PRDM16: variants seen among roughly 807,000 people sequenced by gnomAD.
PRDM16 encodes histone-lysine N-methyltransferase PRDM16.
Under a neutral mutation model 110.6 loss-of-function variants are expected in PRDM16, and 23 were observed. The observed-to-expected ratio is 0.21, with a 90% CI of 0.15 to 0.29. The LOEUF is 0.29. PRDM16 is among the 10% of genes least tolerant of loss of function. PRDM16 has a pLI of 1.00. For synonymous variants in PRDM16, 799 were observed against 781.8 expected (o/e 1.02, Z -0.37); for missense variants, 1,615 against 1,794.3 (o/e 0.90, Z 1.81).
intron 1 of PRDM16, among the ~76,000 whole-genome samples, chr1:3,121,701 G>A (rs1231793139): frequency 2.6e-5 from 4 of 152,244 alleles, no homozygotes; most frequent in African/African-American, 9.6e-5. Flanking sequence ...CCGGGGCAGG[G>A]CCAAGTGCCG....
chr1:3,375,537 C>A (rs1023668256), intron 3 of PRDM16, among the ~76,000 whole-genome samples: 2 of 152,258 alleles, frequency 1.3e-5, no homozygotes, highest in Non-Finnish European at 2.9e-5. Context: ...GCCCCCAACA[C>A]CCCCAGGCTG....
chr1:3,203,844 G>T (rs10909899), intron 2 of PRDM16, among the ~76,000 whole-genome samples: 14,976 of 152,198 alleles, frequency 0.098, 902 homozygotes, highest in Admixed American at 0.13. Context: ...GTGAATTCGG[G>T]GGGGGCACAA....
rs531849013 is a variant in PRDM16, at chr1:3,096,142, C to T, written c.37+26846C>T. Among the ~76,000 whole-genome samples the T allele has an allele frequency of 3.3e-5, 5 of 152,232 alleles. No individual in the cohort carries two copies. In the South Asian group the frequency reaches 8.3e-4, roughly 25 times the overall value. On this transcript the variant is annotated intron_variant, in intron 1 of 16. Transcript: ENST00000270722. ...ACCCCATGCTTAGAATGTTCTGGAC[C>T]CCAGGAAGGCCCCGGTGCTTTGAAC... is the stretch of plus-strand genomic sequence containing the variant.
chr1:3,093,853 G>A (rs1246472273), intron 1 of PRDM16, among the ~76,000 whole-genome samples: 1 of 152,242 alleles, frequency 6.6e-6, no homozygotes. Flanking sequence ...ACGTGCGGGG[G>A]TCTGTGGGGC....
Position 3,209,935 on chromosome 1 carries a change from T to C in PRDM16, c.387+23461T>C, listed in dbSNP as rs1638842392. Among the ~76,000 whole-genome samples the C allele has an allele frequency of 6.6e-6, 1 of 152,220 alleles. No individual in the cohort carries two copies. Among genetic ancestry groups the C allele is most frequent in the African/African-American group, 2.4e-5 (1 of 41,456 alleles). On this transcript the variant is annotated intron_variant, in intron 2 of 16. Coordinates refer to ENST00000270722, the MANE Select transcript of PRDM16 (RefSeq NM_022114.4). This position sits in a 1 kb window ranked among gnomAD's most constrained non-coding sequence, Gnocchi z 4.6. ...CTGTGTTAGCCCTTTCACAGAACTC[T>C]TACTTAACATGGAAAATATCGTAGC... is the stretch of plus-strand genomic sequence containing the variant.
At chr1:3,166,367 A>G (rs1039250771) in intron 1 of PRDM16, among the ~76,000 whole-genome samples, 1 of 152,176 alleles carries the variant, frequency 6.6e-6, no homozygotes, top group Admixed American at 6.5e-5. Context: ...ACCGTGGGGA[A>G]CCCTCGGAGG....
At chr1:3,221,065 G>T (rs944534136) in intron 2 of PRDM16, among the ~76,000 whole-genome samples, 1 of 152,208 alleles carries the variant, frequency 6.6e-6, no homozygotes, top group Non-Finnish European at 1.5e-5. Context: ...TGGAGAGGGG[G>T]GACGGGTTGC....
At chr1:3,394,068 T>TCGGAGC (rs1643344474) in intron 4 of PRDM16, among the ~76,000 whole-genome samples, 1 of 151,384 alleles carries the variant, frequency 6.6e-6, no homozygotes, top group Admixed American at 6.6e-5. Context: ...TCTGCTGCCC[T>TCGGAGC]CGGAGCCGGG....
At chr1:3,292,942 G>T (rs1641009579) in intron 3 of PRDM16, among the ~76,000 whole-genome samples, 1 of 152,212 alleles carries the variant, frequency 6.6e-6, no homozygotes. Flanking sequence ...TGTCTTCTGT[G>T]GGTTGACCCT....
chr1:3,107,827 T>C (rs748865088), intron 1 of PRDM16, among the ~76,000 whole-genome samples: 3 of 152,260 alleles, frequency 2.0e-5, no homozygotes, highest in Non-Finnish European at 4.4e-5. Flanking sequence ...CCCTGGGCCT[T>C]GCTCAAGCCA....
At chr1:3,180,953 CGCA>C (rs1644147962) in intron 1 of PRDM16, among the ~76,000 whole-genome samples, 1 of 150,332 alleles carries the variant, frequency 6.7e-6, no homozygotes, top group East Asian at 2.0e-4. Flanking sequence ...GCCTTACACA[CGCA>C]GTCTTACACA....
intron 2 of PRDM16, among the ~76,000 whole-genome samples, chr1:3,191,571 A>G (rs1278990700): frequency 2.6e-5 from 4 of 152,242 alleles, no homozygotes; most frequent in African/African-American, 9.6e-5. Flanking sequence ...AATTTTATCC[A>G]AAACACCCAG....
In PRDM16 at chr1:3,069,303, C is replaced by T; in HGVS notation, c.37+7C>T. On this transcript the variant is annotated splice_region_variant and intron_variant, in intron 1 of 16. Transcript: ENST00000270722. This position sits in a 1 kb window ranked among gnomAD's most constrained non-coding sequence, Gnocchi z 6.1. ...GCGAGGAAGCTAGCCAAAAGTAAGT[C>T]TCCCGCGCTCGGCCGCGCCGCGCCG... The T allele has an allele frequency of 6.8e-7, 1 of 1,473,242 alleles. No homozygotes were observed. Among genetic ancestry groups the T allele is most frequent in the Non-Finnish European group, 9.1e-7 (1 of 1,102,428 alleles). The allele number at this position is 1,473,242 out of a possible 1,614,324, so 91.3% of individuals were successfully genotyped here.
intron 1 of PRDM16, among the ~76,000 whole-genome samples, chr1:3,100,892 C>T (rs531458804): frequency 1.3e-5 from 2 of 152,146 alleles, no homozygotes; most frequent in African/African-American, 2.4e-5. Context: ...TGTGCCGAAG[C>T]CCCCGGGGAG....
intron 3 of PRDM16, among the ~76,000 whole-genome samples, chr1:3,271,480 C>G (rs925300859): frequency 6.6e-6 from 1 of 152,214 alleles, no homozygotes; most frequent in South Asian, 2.1e-4. Context: ...AGGAGCTCAA[C>G]CCAGTGAGAA....
intron 5 of PRDM16, among the ~76,000 whole-genome samples, chr1:3,398,106 A>G (rs1643414233): frequency 6.6e-6 from 1 of 152,206 alleles, no homozygotes; most frequent in Admixed American, 6.5e-5. Context: ...TGTTGAAAAG[A>G]TCTATGAATC....
At chr1:3,225,172 A>C (rs527453092) in intron 2 of PRDM16, among the ~76,000 whole-genome samples, 1 of 152,262 alleles carries the variant, frequency 6.6e-6, no homozygotes, top group East Asian at 1.9e-4. Context: ...AAAAAAAGGC[A>C]TAGAGGGCAT....
At chr1:3,172,040 A>G (rs2100761677) in intron 1 of PRDM16, among the ~76,000 whole-genome samples, 1 of 152,306 alleles carries the variant, frequency 6.6e-6, no homozygotes, top group South Asian at 2.1e-4. Flanking sequence ...CAACGGCTCC[A>G]CGATGTCCTT....
intron 3 of PRDM16, among the ~76,000 whole-genome samples, chr1:3,317,080 G>A (rs965543384): frequency 1.3e-4 from 20 of 152,206 alleles, no homozygotes; most frequent in African/African-American, 4.3e-4. Flanking sequence ...ACACAGTGTA[G>A]CCAAGAAGCA....
Sources: allele counts gnomAD v4.1 joint callset (sites outside exome capture counted in the v4.1 genomes callset), GRCh38; gene constraint gnomAD v4.1.1; non-coding constraint Gnocchi (gnomAD v3.1); transcripts MANE v1.5; gene names NCBI Gene and HGNC (gene_info 2026-07-23, HGNC 2026-07-21).